The following CA10 variants were observed in gnomAD, a reference collection of about 807,000 sequenced individuals.
CA10 encodes the protein carbonic anhydrase-related protein 10.
A neutral mutation model predicts 44.2 loss-of-function variants in CA10; 14 were observed. The observed-to-expected ratio is 0.32, with a 90% CI of 0.21 to 0.50. The LOEUF is 0.50. Ranked by LOEUF, CA10 falls within the 20% of genes least tolerant of loss-of-function variation. CA10 has a pLI of 0.99. For missense variants in CA10, 350 were observed against 409.7 expected (o/e 0.85, Z 1.26); for synonymous variants, 159 against 141.6 (o/e 1.12, Z -0.87).
chr17:51,908,187 C>T (rs1981642209), intron 3 of CA10, among the ~76,000 whole-genome samples: 1 of 152,144 alleles, frequency 6.6e-6, no homozygotes, highest in African/African-American at 2.4e-5. Flanking sequence ...CTTCTGCATG[C>T]ACCTGGTACC....
chr17:51,868,057 A>AACACACACAC lies in CA10; in HGVS notation c.279+62923_279+62932dup, dbSNP rs34631877. 1.6e-3 allele frequency among the ~76,000 whole-genome samples: 239 copies of AACACACACAC among 144,930 alleles called. 2 individuals carry two copies. In the East Asian group the frequency reaches 0.018, roughly 11 times the overall value. ...CACAGAGTTCAAATAAAGCAGGTGT[A>AACACACACAC]ACACACACACACACACACACACACA... On this transcript the variant is annotated intron_variant, in intron 3 of 8. Coordinates refer to ENST00000451037, the MANE Select transcript of CA10 (RefSeq NM_020178.5).
At chr17:51,756,472 GTTTT>G (rs11452726) in intron 3 of CA10, among the ~76,000 whole-genome samples, 1 of 132,278 alleles carries the variant, frequency 7.6e-6, no homozygotes, top group Non-Finnish European at 1.6e-5. Flanking sequence ...TGAGGTAGTT[GTTTT>G]TTTTTTTTTT....
At position 51,865,244 on chromosome 17, in the gene CA10, T is replaced by A. The variant is rs181138113; in HGVS notation, c.279+65746A>T. ...CCTCTGACACACTATGTAATTTGCC[T>A]ATTGGTTTATTTGCTTGTCTCTCCC... On this transcript the variant is annotated intron_variant, in intron 3 of 8. Transcript: ENST00000451037. Among the ~76,000 whole-genome samples the A allele has an allele frequency of 4.1e-3, 628 of 152,322 alleles. 5 individuals are homozygous for A. Among genetic ancestry groups the A allele is most frequent in the Non-Finnish European group, 4.4e-3 (301 of 68,028 alleles).
At position 52,050,319 on chromosome 17, in the gene CA10, T is replaced by C. The variant is rs146524382; in HGVS notation, c.136+22000A>G. On this transcript the variant is annotated intron_variant, in intron 2 of 8. Transcript: ENST00000451037. Reference sequence around the variant, plus strand: ...GTCTCCAAAACATTTCCAGAGTCAGTCAATTTATCGCTCTCTTTACTCCTG... The same window carrying C: ...GTCTCCAAAACATTTCCAGAGTCAGCCAATTTATCGCTCTCTTTACTCCTG... 7.7e-3 allele frequency among the ~76,000 whole-genome samples: 1,174 copies of C among 152,098 alleles called. 13 individuals carry two copies. Among genetic ancestry groups the C allele is most frequent in the African/African-American group, 0.027 (1,110 of 41,514 alleles).
Position 51,630,547 on chromosome 17 carries a change from A to C in CA10, c.*1037T>G, listed in dbSNP as rs770301118. The C allele has an allele frequency of 1.3e-5, 2 of 152,674 alleles. No individual in the cohort carries two copies. Among genetic ancestry groups the C allele is most frequent in the Admixed American group, 1.3e-4 (2 of 15,280 alleles). The allele number at this position is 152,674 out of a possible 1,614,324, so 9.5% of individuals were successfully genotyped here. A position where few individuals can be genotyped will look rare whatever the true frequency, so the allele number is the denominator to read the frequency against. On this transcript the variant is annotated 3_prime_UTR_variant, in exon 9 of 9. Coordinates refer to ENST00000451037, the MANE Select transcript of CA10 (RefSeq NM_020178.5). Reference sequence around the variant, plus strand: ...AAACGCAAGAAGTCTGTCGCCTGCTATCTCAGGCTGAAGCTCACCTCATGT... The same window carrying C: ...AAACGCAAGAAGTCTGTCGCCTGCTCTCTCAGGCTGAAGCTCACCTCATGT...
chr17:52,053,499 C>T lies in CA10; in HGVS notation c.136+18820G>A, dbSNP rs180746889. Among the ~76,000 whole-genome samples, 286 of 151,832 alleles carry T rather than the reference C, an allele frequency of 1.9e-3. 1 individual carries two copies. Among genetic ancestry groups the T allele is most frequent in the African/African-American group, 4.2e-3 (175 of 41,390 alleles). On this transcript the variant is annotated intron_variant, in intron 2 of 8. Coordinates refer to ENST00000451037, the MANE Select transcript of CA10 (RefSeq NM_020178.5). ...TCTATAAAATAAGAAAATACTCAAA[C>T]GGATAAATAGAAAAAATGAAAAGTT...
intron 3 of CA10, among the ~76,000 whole-genome samples, chr17:51,783,086 G>C (rs1906123091): frequency 6.6e-6 from 1 of 152,194 alleles, no homozygotes; most frequent in African/African-American, 2.4e-5. Context: ...CAATCACCCA[G>C]CTGACTGTTG....
chr17:51,931,310 C>T (rs1432207080), intron 2 of CA10, among the ~76,000 whole-genome samples, 178 bp from the exon 3 acceptor site: 1 of 152,082 alleles, frequency 6.6e-6, no homozygotes, highest in East Asian at 1.9e-4. Context: ...GTCCACTTCT[C>T]TAAGTCTTAC....
chr17:51,678,718 AAGG>A (rs1280142455), intron 4 of CA10, among the ~76,000 whole-genome samples: 2 of 152,354 alleles, frequency 1.3e-5, no homozygotes, highest in South Asian at 2.1e-4. Context: ...GAAAAATGTG[AAGG>A]AGAAGGATGC....
intron 4 of CA10, among the ~76,000 whole-genome samples, chr17:51,657,436 C>T: frequency 6.6e-6 from 1 of 152,150 alleles, no homozygotes; most frequent in East Asian, 1.9e-4. Context: ...AATGCTAACC[C>T]AATACCCACT....
At position 51,957,171 on chromosome 17, in the gene CA10, A is replaced by G. The variant is rs117370429; in HGVS notation, c.137-26039T>C. ...AGCTCAAGTATTTTGCGAGTTAATTAAAGTAGAACTTGGATTTATTTCGTA... is the reference window on the plus strand; with the variant it reads ...AGCTCAAGTATTTTGCGAGTTAATTGAAGTAGAACTTGGATTTATTTCGTA... On this transcript the variant is annotated intron_variant, in intron 2 of 8. Transcript: ENST00000451037. 4.1e-3 allele frequency among the ~76,000 whole-genome samples: 632 copies of G among 152,346 alleles called. 6 individuals are homozygous for G. Among genetic ancestry groups the G allele is most frequent in the Non-Finnish European group, 4.4e-3 (301 of 68,032 alleles).
chr17:51,987,598 A>G (rs1178403087), intron 2 of CA10, among the ~76,000 whole-genome samples: 1 of 152,056 alleles, frequency 6.6e-6, no homozygotes, highest in African/African-American at 2.4e-5. Flanking sequence ...TAATCCATTC[A>G]ACAAATATTT....
intron 4 of CA10, among the ~76,000 whole-genome samples, chr17:51,701,119 C>G (rs749389508): frequency 6.6e-6 from 1 of 152,002 alleles, no homozygotes; most frequent in African/African-American, 2.4e-5. Context: ...AGTCTGATAT[C>G]AAGGTGCTGG....
intron 3 of CA10, among the ~76,000 whole-genome samples, chr17:51,827,332 G>GCACA (rs35515561): frequency 8.6e-4 from 127 of 147,770 alleles, no homozygotes; most frequent in Middle Eastern, 3.5e-3. Flanking sequence ...AGAGAAACAC[G>GCACA]CACACACACA....
chr17:51,690,356 G>A (rs1304847449), intron 4 of CA10, among the ~76,000 whole-genome samples: 1 of 152,172 alleles, frequency 6.6e-6, no homozygotes, highest in Non-Finnish European at 1.5e-5. Flanking sequence ...TATTTTGACT[G>A]ACATCTCTCT....
intron 4 of CA10, among the ~76,000 whole-genome samples, chr17:51,657,305 T>A (rs886145983): frequency 1.3e-5 from 2 of 149,576 alleles, no homozygotes; most frequent in Admixed American, 6.6e-5. Flanking sequence ...AGTTCATGCA[T>A]GAACAGCAGG....
intron 3 of CA10, among the ~76,000 whole-genome samples, chr17:51,749,498 C>T (rs754692863): frequency 6.6e-6 from 1 of 152,230 alleles, no homozygotes; most frequent in Non-Finnish European, 1.5e-5. Context: ...GATCCACTAG[C>T]TGACTGGCCC....
chr17:52,068,792 T>C (rs1427006286), intron 2 of CA10, among the ~76,000 whole-genome samples: 1 of 152,248 alleles, frequency 6.6e-6, no homozygotes, highest in African/African-American at 2.4e-5. Context: ...CCCAAGTTTA[T>C]TCAGAAGGCT....
At chr17:52,130,052 C>G (rs1257353910) in intron 1 of CA10, among the ~76,000 whole-genome samples, 3 of 152,090 alleles carry the variant, frequency 2.0e-5, no homozygotes, top group Non-Finnish European at 4.4e-5. Context: ...AAAAAATGCT[C>G]AACATCACTA....
Sources: gnomAD v4.1 joint callset for allele counts (sites outside exome capture counted in the v4.1 genomes callset) on GRCh38, gnomAD v4.1.1 for gene constraint, MANE v1.5 for transcripts, NCBI Gene and HGNC (gene_info 2026-07-23, HGNC 2026-07-21) for gene names.